GRIN2B: variants seen among roughly 807,000 people sequenced by gnomAD.
The protein encoded by GRIN2B is glutamate ionotropic receptor NMDA type subunit 2B, also known as glutamate receptor ionotropic, NMDA 2B.
GRIN2B carries 5 observed loss-of-function variants against 114.5 expected under a neutral mutation model. The ratio of observed to expected loss-of-function variants is 0.04; its 90% confidence interval spans 0.02 to 0.09. GRIN2B has a LOEUF of 0.09. Ranked by LOEUF, GRIN2B falls within the 10% of genes least tolerant of loss-of-function variation. GRIN2B has a pLI of 1.00. For missense variants in GRIN2B, 1,108 were observed against 1,943.5 expected, an observed-to-expected ratio of 0.57 and a Z score of 8.08; for synonymous variants, 787 against 745.1, an observed-to-expected ratio of 1.06 and a Z score of -0.92.
intron 10 of GRIN2B, among the ~76,000 whole-genome samples, chr12:13,579,809 C>T (rs573448481): frequency 6.6e-6 from 1 of 152,312 alleles, no homozygotes; most frequent in East Asian, 1.9e-4. Flanking sequence ...TTTCCCTACA[C>T]TACTAGCTAA....
At chr12:13,605,551 TGACA>T (rs1377605961) in intron 10 of GRIN2B, among the ~76,000 whole-genome samples, 39 of 30,498 alleles carry the variant, frequency 1.3e-3, no homozygotes, top group Non-Finnish European at 2.4e-3. Context: ...TCTCTCTCTC[TGACA>T]CACACACACA....
At chr12:13,621,988 G>T (rs1475194019) in intron 5 of GRIN2B, among the ~76,000 whole-genome samples, 1 of 151,896 alleles carries the variant, frequency 6.6e-6, no homozygotes, top group Non-Finnish European at 1.5e-5. Context: ...GTTGATGTGA[G>T]CAGAAGGGCG....
chr12:13,574,003 T>TA (rs1413388319), intron 10 of GRIN2B, among the ~76,000 whole-genome samples: 7 of 152,232 alleles, frequency 4.6e-5, no homozygotes, highest in African/African-American at 1.4e-4. Context: ...AAAGGGGTTA[T>TA]AATTTTTAAG....
chr12:13,962,951 G>A (rs1029850475), intron 2 of GRIN2B, among the ~76,000 whole-genome samples: 6 of 152,158 alleles, frequency 3.9e-5, no homozygotes, highest in Non-Finnish European at 7.3e-5. Flanking sequence ...TGTCAGAGAA[G>A]GCAGACCTCC....
chr12:13,785,287 T>C (rs1016533144), intron 3 of GRIN2B, among the ~76,000 whole-genome samples: 14 of 152,246 alleles, frequency 9.2e-5, no homozygotes, highest in Non-Finnish European at 1.6e-4. Flanking sequence ...CTGCATAATA[T>C]GTAAGGGTTA....
rs1347097075 is a variant in GRIN2B at position 13,559,682 on chromosome 12, A to C, written c.*3101T>G. On this transcript the variant is annotated 3_prime_UTR_variant, in exon 14 of 14. Coordinates refer to ENST00000609686, the MANE Select transcript of GRIN2B (RefSeq NM_000834.5). Reference sequence around the variant, plus strand: ...CAAATTTGTAAGACACATATCCAGCACTACCTCTCTGTGACCAGATATCAC... The same window carrying C: ...CAAATTTGTAAGACACATATCCAGCCCTACCTCTCTGTGACCAGATATCAC... The C allele has an allele frequency of 1.3e-5, 2 of 152,206 alleles. No homozygotes were observed. Among genetic ancestry groups the C allele is most frequent in the Non-Finnish European group, 2.9e-5 (2 of 68,042 alleles). The allele number at this position is 152,206 out of a possible 1,614,324, so 9.4% of individuals were successfully genotyped here.
intron 2 of GRIN2B, among the ~76,000 whole-genome samples, chr12:13,946,132 G>A (rs189204809): frequency 1.3e-5 from 2 of 152,252 alleles, no homozygotes; most frequent in Non-Finnish European, 2.9e-5. Flanking sequence ...TGTGTGTGGA[G>A]GGGGTAAATA....
intron 3 of GRIN2B, among the ~76,000 whole-genome samples, chr12:13,834,884 T>C (rs1326949307): frequency 6.6e-6 from 1 of 152,164 alleles, no homozygotes; most frequent in African/African-American, 2.4e-5. Context: ...AACAATTACA[T>C]CAGACTCTTT....
intron 5 of GRIN2B, among the ~76,000 whole-genome samples, chr12:13,650,443 G>T (rs1384814472): frequency 1.3e-5 from 2 of 152,052 alleles, no homozygotes; most frequent in Non-Finnish European, 2.9e-5. Context: ...GCAGACCATA[G>T]TGTGTGCCTT....
At chr12:13,918,992 A>G (rs1213006276) in intron 2 of GRIN2B, among the ~76,000 whole-genome samples, 1 of 152,154 alleles carries the variant, frequency 6.6e-6, no homozygotes, top group Non-Finnish European at 1.5e-5. Context: ...TTGTTCTCAA[A>G]AAGAAAAAAA....
intron 2 of GRIN2B, among the ~76,000 whole-genome samples, chr12:13,881,314 G>A (rs1182170956): frequency 1.3e-5 from 2 of 151,946 alleles, no homozygotes; most frequent in African/African-American, 4.8e-5. Flanking sequence ...CATTTCCGTG[G>A]CCCACTAGCA....
chr12:13,692,132 C>G (rs1209969767), intron 4 of GRIN2B, among the ~76,000 whole-genome samples: 1 of 152,088 alleles, frequency 6.6e-6, no homozygotes, highest in Non-Finnish European at 1.5e-5. Flanking sequence ...AACTCACTTT[C>G]CCAAGTTTTT....
At chr12:13,598,273 T>C (rs1949102520) in intron 10 of GRIN2B, among the ~76,000 whole-genome samples, 1 of 152,208 alleles carries the variant, frequency 6.6e-6, no homozygotes, top group Non-Finnish European at 1.5e-5. Flanking sequence ...CCTGACTCTA[T>C]CTGTTGCAGT....
chr12:13,585,712 AAC>A (rs1948913313), intron 10 of GRIN2B, among the ~76,000 whole-genome samples: 1 of 152,206 alleles, frequency 6.6e-6, no homozygotes, highest in Non-Finnish European at 1.5e-5. Context: ...TAGGCTATGA[AAC>A]AGTTTGAGAA....
intron 2 of GRIN2B, among the ~76,000 whole-genome samples, chr12:13,928,362 G>C (rs528850240): frequency 6.6e-6 from 1 of 151,540 alleles, no homozygotes; most frequent in African/African-American, 2.4e-5. Flanking sequence ...AAAGGGCAAT[G>C]TGATTTAAAA....
At chr12:13,860,898 C>T (rs928479902) in intron 3 of GRIN2B, among the ~76,000 whole-genome samples, 1 of 152,140 alleles carries the variant, frequency 6.6e-6, no homozygotes, top group Admixed American at 6.5e-5. Context: ...CTACCTTCTG[C>T]TCAAGCCATT....
intron 3 of GRIN2B, among the ~76,000 whole-genome samples, chr12:13,757,386 C>A (rs1388193862): frequency 6.6e-6 from 1 of 152,064 alleles, no homozygotes; most frequent in East Asian, 1.9e-4. Flanking sequence ...ATGGCCATAG[C>A]CACAAATAAA....
intron 2 of GRIN2B, among the ~76,000 whole-genome samples, chr12:13,871,664 G>T (rs140257769): frequency 6.9e-6 from 1 of 145,394 alleles, no homozygotes; most frequent in African/African-American, 2.5e-5. Flanking sequence ...ACAAGACAAA[G>T]AAAAGCAAAA....
chr12:13,827,915 C>T (rs576572495), intron 3 of GRIN2B, among the ~76,000 whole-genome samples: 32 of 152,302 alleles, frequency 2.1e-4, no homozygotes, highest in African/African-American at 4.8e-4. Flanking sequence ...CTCCTGACCT[C>T]GTGATCTGCC....
Sources: allele counts gnomAD v4.1 joint callset (sites outside exome capture counted in the v4.1 genomes callset), GRCh38; gene constraint gnomAD v4.1.1; transcripts MANE v1.5; gene names NCBI Gene and HGNC (gene_info 2026-07-23, HGNC 2026-07-21).